SHISA9: variants seen among roughly 807,000 people sequenced by gnomAD.
SHISA9 encodes the protein shisa family member 9, also known as protein shisa-9.
A neutral mutation model predicts 38.0 loss-of-function variants in SHISA9; 13 were observed. The observed-to-expected ratio is 0.34, with a 90% confidence interval of 0.22 to 0.54. The LOEUF is 0.54. Ranked by LOEUF, SHISA9 falls within the 20% of genes least tolerant of loss-of-function variation. The probability of loss-of-function intolerance (pLI) is 0.91; values close to 1 mark genes in which losing one functional copy is unlikely to be tolerated. For synonymous variants in SHISA9, 275 were observed against 242.0 expected, an observed-to-expected ratio of 1.14 and a Z score of -1.27; for missense variants, 538 against 575.8, an observed-to-expected ratio of 0.93 and a Z score of 0.67.
chr16:13,264,723 A>G, the SHISA9 span, among the ~76,000 whole-genome samples: 1 of 152,262 alleles, frequency 6.6e-6, no homozygotes, highest in South Asian at 2.1e-4. Context: ...GAGTAATAAT[A>G]AAAGTAGAGT....
the SHISA9 span, among the ~76,000 whole-genome samples, chr16:13,432,779 C>T: frequency 6.6e-6 from 1 of 152,080 alleles, no homozygotes; most frequent in African/African-American, 2.4e-5. Flanking sequence ...ATGGATGAAG[C>T]TGGAGGCCAT....
chr16:13,067,921 C>T (rs1040506272), intron 2 of SHISA9, among the ~76,000 whole-genome samples: 2 of 152,236 alleles, frequency 1.3e-5, no homozygotes, highest in Non-Finnish European at 2.9e-5. Flanking sequence ...GTCACTTCCT[C>T]AAACCCCCGG....
the SHISA9 span, among the ~76,000 whole-genome samples, chr16:13,483,440 C>A: frequency 2.0e-5 from 3 of 152,154 alleles, no homozygotes; most frequent in Non-Finnish European, 2.9e-5. Context: ...TACAAGGGAG[C>A]AGAGAACGGG....
the SHISA9 span, among the ~76,000 whole-genome samples, chr16:13,546,427 G>C: frequency 1.3e-4 from 20 of 152,288 alleles, no homozygotes; most frequent in Admixed American, 1.2e-3. Context: ...CCCTCAGCTT[G>C]TGTTTGTCTG....
At chr16:13,115,874 G>C (rs896471370) in intron 2 of SHISA9, among the ~76,000 whole-genome samples, 1 of 152,100 alleles carries the variant, frequency 6.6e-6, no homozygotes, top group Non-Finnish European at 1.5e-5. Flanking sequence ...CAAAACCCTT[G>C]GAGTTTCTTC....
intron 4 of SHISA9, among the ~76,000 whole-genome samples, chr16:13,219,094 G>T (rs946017585): frequency 6.6e-6 from 1 of 152,190 alleles, no homozygotes; most frequent in Non-Finnish European, 1.5e-5. Context: ...CAAGTGCTGG[G>T]ATTTTGATGA....
chr16:13,062,162 C>T (rs992380086), intron 2 of SHISA9, among the ~76,000 whole-genome samples: 1 of 151,646 alleles, frequency 6.6e-6, no homozygotes, highest in African/African-American at 2.4e-5. Flanking sequence ...TGGAAGTATA[C>T]CTCAAGTATG....
chr16:12,986,409 T>G (rs963396315), intron 2 of SHISA9, among the ~76,000 whole-genome samples: 8 of 149,048 alleles, frequency 5.4e-5, no homozygotes, highest in Non-Finnish European at 1.0e-4. Context: ...AGAAAATGAA[T>G]GAATTACTCT....
At chr16:13,074,215 C>A (rs1485283417) in intron 2 of SHISA9, among the ~76,000 whole-genome samples, 1 of 152,060 alleles carries the variant, frequency 6.6e-6, no homozygotes, top group African/African-American at 2.4e-5. Context: ...GGTGATCCAC[C>A]CCCCTCGGCC....
At chr16:13,528,031 A>G in the SHISA9 span, among the ~76,000 whole-genome samples, 2 of 152,130 alleles carry the variant, frequency 1.3e-5, no homozygotes, top group Non-Finnish European at 2.9e-5. Flanking sequence ...TCATTTGCAT[A>G]AAGGATACCA....
At chr16:13,015,882 CTT>C (rs779935994) in intron 2 of SHISA9, among the ~76,000 whole-genome samples, 1,252 of 113,260 alleles carry the variant, frequency 0.011, 11 homozygotes, top group Non-Finnish European at 0.016. Context: ...TTCTTTCTTT[CTT>C]TCTTTCTTTC....
intron 2 of SHISA9, among the ~76,000 whole-genome samples, chr16:13,176,666 C>T (rs923484425): frequency 1.3e-5 from 2 of 152,158 alleles, no homozygotes; most frequent in African/African-American, 2.4e-5. Flanking sequence ...ATGCCCATTC[C>T]ATCTCTGAGC....
intron 2 of SHISA9, among the ~76,000 whole-genome samples, chr16:12,918,627 G>T (rs779197943): frequency 6.6e-6 from 1 of 152,134 alleles, no homozygotes; most frequent in Non-Finnish European, 1.5e-5. Context: ...AGTCTCTTGC[G>T]CCAGGCTGCT....
chr16:13,298,704 C>T, the SHISA9 span, among the ~76,000 whole-genome samples: 1 of 152,184 alleles, frequency 6.6e-6, no homozygotes, highest in African/African-American at 2.4e-5. Flanking sequence ...TTCGCCCTGT[C>T]AAAGCCGTAC....
chr16:12,965,490 A>G (rs1276191063), intron 2 of SHISA9, among the ~76,000 whole-genome samples: 1 of 152,202 alleles, frequency 6.6e-6, no homozygotes, highest in Non-Finnish European at 1.5e-5. Context: ...GCACTCTACC[A>G]GTTCTGGAGA....
the SHISA9 span, among the ~76,000 whole-genome samples, chr16:13,288,867 C>T: frequency 2.6e-5 from 4 of 152,188 alleles, no homozygotes; most frequent in African/African-American, 4.8e-5. Flanking sequence ...GACTAGGGAA[C>T]TCATTTAATC....
chr16:13,117,796 C>A (rs1004530513), intron 2 of SHISA9, among the ~76,000 whole-genome samples: 15 of 152,306 alleles, frequency 9.8e-5, no homozygotes, highest in African/African-American at 3.4e-4. Context: ...TAATATGTTA[C>A]AGCATCATCA....
At chr16:13,151,893 G>C (rs2050502928) in intron 2 of SHISA9, among the ~76,000 whole-genome samples, 1 of 152,154 alleles carries the variant, frequency 6.6e-6, no homozygotes, top group Non-Finnish European at 1.5e-5. Context: ...TGTCCAGGGA[G>C]TCAGACTTTT....
chr16:13,378,066 T>C, the SHISA9 span, among the ~76,000 whole-genome samples: 1 of 152,136 alleles, frequency 6.6e-6, no homozygotes, highest in South Asian at 2.1e-4. Context: ...TTATGCCAAC[T>C]GGAGAGCCCT....
Sources: allele counts gnomAD v4.1 joint callset (sites outside exome capture counted in the v4.1 genomes callset), GRCh38; gene constraint gnomAD v4.1.1; transcripts MANE v1.5; gene names NCBI Gene and HGNC (gene_info 2026-07-23, HGNC 2026-07-21).